TRAPPC11: variants seen among roughly 807,000 people sequenced by gnomAD.
TRAPPC11 encodes the protein trafficking protein particle complex subunit 11.
A neutral mutation model predicts 151.2 loss-of-function variants in TRAPPC11; 104 were observed. That is an observed-to-expected ratio of 0.69 (90% CI 0.59 to 0.81). The LOEUF (loss-of-function observed/expected upper bound fraction) is 0.81, where lower values mean the gene tolerates loss of function less well. Ranked by LOEUF, TRAPPC11 falls within the 30% of genes least tolerant of loss-of-function variation. The pLI, the probability that TRAPPC11 is intolerant of heterozygous loss-of-function variation, is 0.00. For synonymous variants in TRAPPC11, 456 were observed against 472.3 expected, an observed-to-expected ratio of 0.97 and a Z score of 0.45; for missense variants, 1,230 against 1,349.6, an observed-to-expected ratio of 0.91 and a Z score of 1.39.
At chr4:183,697,236 A>G (rs921121900) in intron 23 of TRAPPC11, among the ~76,000 whole-genome samples, 13 of 152,050 alleles carry the variant, frequency 8.5e-5, no homozygotes, top group Non-Finnish European at 1.5e-4. Context: ...ACTTGAGCCC[A>G]GGTGTTCGAG....
chr4:183,691,508 A>G (rs772900712), intron 19 of TRAPPC11, 37 bp downstream of exon 19: 165 of 1,261,018 alleles, frequency 1.3e-4, no homozygotes, highest in African/African-American at 4.5e-5. Flanking sequence ...ATTTTTAATA[A>G]TAAAAGTATG....
At chr4:183,706,472 G>A (rs529258433) in intron 27 of TRAPPC11, among the ~76,000 whole-genome samples, 10 of 151,204 alleles carry the variant, frequency 6.6e-5, no homozygotes, top group African/African-American at 2.4e-4. Flanking sequence ...GCAGTGAGCC[G>A]AGATAGCACC....
At chr4:183,695,374 G>C (rs1736486905) in intron 23 of TRAPPC11, among the ~76,000 whole-genome samples, 1 of 152,084 alleles carries the variant, frequency 6.6e-6, no homozygotes, top group African/African-American at 2.4e-5. Flanking sequence ...CCTTTGAAAG[G>C]CATTTTTCTG....
Position 183,697,748 on chromosome 4 carries a change from C to T in TRAPPC11, c.2764C>T (p.Pro922Ser). 3.7e-6 allele frequency: 6 copies of T among 1,614,170 alleles called. No homozygotes were observed. Among genetic ancestry groups the T allele is most frequent in the Non-Finnish European group, 5.1e-6 (6 of 1,180,038 alleles). ...LLMTDLLSAS[P>S]WALTIVSSEL... Reference sequence around the variant, plus strand: ...GATGACGGACCTCTTAAGTGCCTCACCCTGGGCCCTCACTATTGTTTCCAG... The same window carrying T: ...GATGACGGACCTCTTAAGTGCCTCATCCTGGGCCCTCACTATTGTTTCCAG... Residue 922 changes from proline to serine, a missense_variant, in exon 25 of 30, where the codon CCC (proline) becomes TCC (serine). Physicochemically the swap from Pro to Ser is moderately conservative, Grantham distance 74. Transcript: ENST00000334690.
chr4:183,663,736 GTTTT>G (rs70959134), intron 1 of TRAPPC11, 107 bp from the exon 2 acceptor site: 205 of 387,544 alleles, frequency 5.3e-4, no homozygotes, highest in South Asian at 9.6e-4. Flanking sequence ...AATATGAGTT[GTTTT>G]TTTTTTTTTT....
chr4:183,687,118 T>G (rs1304221589), intron 18 of TRAPPC11, among the ~76,000 whole-genome samples: 2 of 151,988 alleles, frequency 1.3e-5, no homozygotes, highest in African/African-American at 2.4e-5. Context: ...GAGATGGAGG[T>G]TGCAGTGAGC....
At chr4:183,687,842 C>T (rs1055310400) in intron 18 of TRAPPC11, among the ~76,000 whole-genome samples, 1 of 152,144 alleles carries the variant, frequency 6.6e-6, no homozygotes, top group Non-Finnish European at 1.5e-5. Context: ...TCTTTCTTCT[C>T]CATTCTCCCA....
Position 183,691,319 on chromosome 4 carries a change from T to G in TRAPPC11, c.1897T>G (p.Tyr633Asp). The G allele has an allele frequency of 6.7e-7, 1 of 1,493,686 alleles. No individual in the cohort carries two copies. The highest frequency in any genetic ancestry group is 9.0e-7 in the Non-Finnish European group (1 of 1,109,570). 92.5% of individuals were successfully genotyped at this position (1,493,686 alleles called of 1,614,324 possible). ...KLCVSFNNQEYNQFCVIEEAS... is the reference protein window; with the variant it reads ...KLCVSFNNQEDNQFCVIEEAS... ...GACCCCTGTTCACCTTTTTCAGGAA[T>G]ACAACCAGTTCTGTGTAATAGAAGA... The change falls in exon 19 of 30, where the codon TAC (tyrosine) becomes GAC (aspartate). Residue 633 changes from tyrosine to aspartate, a missense_variant. Physicochemically the swap from Tyr to Asp is radical, Grantham distance 160. Transcript: ENST00000334690.
intron 14 of TRAPPC11, 146 bp downstream of exon 14, chr4:183,684,505 C>A: frequency 2.0e-6 from 2 of 984,154 alleles, no homozygotes; most frequent in Non-Finnish European, 1.5e-6. Context: ...TTTTCAAGTG[C>A]TATTGATGGC....
intron 18 of TRAPPC11, 42 bp downstream of exon 18, chr4:183,686,790 T>C (rs761503636): frequency 6.2e-6 from 10 of 1,603,454 alleles, no homozygotes; most frequent in Admixed American, 1.7e-5. Context: ...GTTTATCTTA[T>C]TGTAGCTTAT....
In TRAPPC11 at chr4:183,680,315, C is replaced by T. The variant is rs897539653; in HGVS notation, c.1113+48C>T. ...TCTAGCACATAGAAAAGTTATTCTT[C>T]TTTTGAAAGAAGCTAGAACTGATTG... On this transcript the variant is annotated intron_variant, in intron 10 of 29. Coordinates refer to ENST00000334690, the MANE Select transcript of TRAPPC11 (RefSeq NM_021942.6). 15 of 1,584,232 alleles carry T rather than the reference C, an allele frequency of 9.5e-6. No individual in the cohort carries two copies. In the African/African-American group the frequency reaches 2.0e-4, roughly 22 times the overall value.
intron 26 of TRAPPC11, among the ~76,000 whole-genome samples, 191 bp downstream of exon 26, chr4:183,701,999 G>A (rs1031780627): frequency 1.3e-5 from 2 of 152,112 alleles, no homozygotes; most frequent in African/African-American, 4.8e-5. Flanking sequence ...TGACTTATAT[G>A]CTATTAAAAT....
At chr4:183,664,268 A>G (rs1483690397) in intron 2 of TRAPPC11, among the ~76,000 whole-genome samples, 197 bp downstream of exon 2, 3 of 152,122 alleles carry the variant, frequency 2.0e-5, no homozygotes, top group African/African-American at 7.2e-5. Context: ...CTCCAGAGGA[A>G]TAATTACTTT....
Position 183,663,956 on chromosome 4 carries a change from A to G in TRAPPC11, c.89A>G (p.Asn30Ser). 6.2e-7 allele frequency: 1 copy of G among 1,614,162 alleles called. No individual in the cohort carries two copies. Among genetic ancestry groups the G allele is most frequent in the Non-Finnish European group, 8.5e-7 (1 of 1,180,046 alleles). ...CTAACGGGCCTGGATGTAGTTTATA[A>G]TGCAGTCCATCGAGCTGTCTGGGAC... ...VTLTGLDVVYNAVHRAVWDAF... is the reference protein window; with the variant it reads ...VTLTGLDVVYSAVHRAVWDAF... Residue 30 changes from asparagine (N) to serine (S), a missense_variant, in exon 2 of 30, where the codon AAT (asparagine) becomes AGT (serine). By Grantham distance (46) the Asn-to-Ser change is conservative (BLOSUM62 1). Coordinates refer to ENST00000334690, the MANE Select transcript of TRAPPC11 (RefSeq NM_021942.6).
At chr4:183,662,650 A>G (rs1734616951) in intron 1 of TRAPPC11, among the ~76,000 whole-genome samples, 1 of 152,190 alleles carries the variant, frequency 6.6e-6, no homozygotes, top group Admixed American at 6.5e-5. Flanking sequence ...ACATAAATTA[A>G]AGGCTATTTT....
chr4:183,681,952 G>A (rs1361915423), intron 10 of TRAPPC11, among the ~76,000 whole-genome samples: 1 of 152,088 alleles, frequency 6.6e-6, no homozygotes, highest in Admixed American at 6.6e-5. Flanking sequence ...TTAATTAATT[G>A]TAAAATAGAA....
At chr4:183,689,574 G>T (rs569136975) in intron 18 of TRAPPC11, among the ~76,000 whole-genome samples, 132 of 149,310 alleles carry the variant, frequency 8.8e-4, no homozygotes, top group East Asian at 3.1e-3. Flanking sequence ...AAGGGCAGGG[G>T]TTTTTTTTGT....
intron 14 of TRAPPC11, 92 bp downstream of exon 14, chr4:183,684,451 C>T (rs1250196032): frequency 8.2e-7 from 1 of 1,219,918 alleles, no homozygotes; most frequent in Non-Finnish European, 1.2e-6. Flanking sequence ...TTCGTATTTT[C>T]ATATTTATTT....
At chr4:183,660,020 T>G (rs1424779592) in intron 1 of TRAPPC11, among the ~76,000 whole-genome samples, 1 of 152,262 alleles carries the variant, frequency 6.6e-6, no homozygotes, top group Non-Finnish European at 1.5e-5. Flanking sequence ...CTCCCATCCA[T>G]TATTCACCTT....
Sources: allele counts gnomAD v4.1 joint callset (sites outside exome capture counted in the v4.1 genomes callset), GRCh38; gene constraint gnomAD v4.1.1; transcripts MANE v1.5; gene names NCBI Gene and HGNC (gene_info 2026-07-23, HGNC 2026-07-21).